Variants in C1QTNF6 observed in about 807,000 individuals in gnomAD.
C1QTNF6 encodes C1q and TNF related 6.
A neutral mutation model predicts 20.7 loss-of-function variants in C1QTNF6; 17 were observed. The observed-to-expected ratio is 0.82, with a 90% CI of 0.56 to 1.23. The LOEUF (loss-of-function observed/expected upper bound fraction) is 1.23, where lower values mean the gene tolerates loss of function less well. Among genes scored for constraint, C1QTNF6 ranks in the 50% most tolerant of loss-of-function variants. The pLI is 0.00. For synonymous variants in C1QTNF6, 130 were observed against 156.3 expected (o/e 0.83, Z 1.25); for missense variants, 329 against 389.7 (o/e 0.84, Z 1.31).
In C1QTNF6 at chr22:37,187,500, G is replaced by C. The variant is rs191600789; in HGVS notation, c.51+663C>G. 4.1e-3 allele frequency among the ~76,000 whole-genome samples: 613 copies of C among 151,308 alleles called. 9 individuals are homozygous for C. Among genetic ancestry groups the C allele is most frequent in the Non-Finnish European group, 2.8e-3 (191 of 67,922 alleles). On this transcript the variant is annotated intron_variant, in intron 1 of 2. Transcript: ENST00000337843. ...TGCTCCTTGATACTTACAAGGAAATGACACCACCCTTTCCCTCCCAGGTAA... is the reference window on the plus strand; with the variant it reads ...TGCTCCTTGATACTTACAAGGAAATCACACCACCCTTTCCCTCCCAGGTAA...
intron 2 of C1QTNF6, among the ~76,000 whole-genome samples, 157 bp downstream of exon 2, chr22:37,185,061 C>T (rs1395988486): frequency 2.0e-5 from 3 of 151,874 alleles, no homozygotes; most frequent in African/African-American, 4.8e-5. Context: ...GTTCACGCTC[C>T]GTCATCAGTG....
intron 1 of C1QTNF6, among the ~76,000 whole-genome samples, chr22:37,187,755 G>A (rs961791040): frequency 8.5e-5 from 13 of 152,110 alleles, no homozygotes; most frequent in Admixed American, 5.9e-4. Flanking sequence ...TCAGGAAGCC[G>A]TTAACGAGGA....
At chr22:37,187,339 C>T (rs2145771116) in intron 1 of C1QTNF6, among the ~76,000 whole-genome samples, 1 of 152,192 alleles carries the variant, frequency 6.6e-6, no homozygotes, top group South Asian at 2.1e-4. Flanking sequence ...TTTGGAAATC[C>T]CAAAATTCCC....
chr22:37,199,027 C>G (rs1255020160), upstream of C1QTNF6, among the ~76,000 whole-genome samples: 3 of 152,250 alleles, frequency 2.0e-5, no homozygotes, highest in Non-Finnish European at 4.4e-5. Flanking sequence ...AGAGCGCCAG[C>G]TCCGCGCCAG....
intron 1 of C1QTNF6, among the ~76,000 whole-genome samples, chr22:37,186,594 G>A (rs78828059): frequency 0.034 from 5,173 of 152,310 alleles, 147 homozygotes; most frequent in Non-Finnish European, 0.051. Context: ...AGGGCTCCAG[G>A]AGAGAGGCAG....
chr22:37,182,667 G>A lies in C1QTNF6; in HGVS notation c.358C>T (p.Pro120Ser), dbSNP rs763392569. ...YMGREGPQGE[P>S]GPQGSKGDKG... ...TCACCCTTGCTGCCCTGAGGGCCAGGCTCCCCTTGGGGACCCTCCCTGCCC... is the reference window on the plus strand; with the variant it reads ...TCACCCTTGCTGCCCTGAGGGCCAGACTCCCCTTGGGGACCCTCCCTGCCC... The change falls in exon 3 of 3, where the codon CCT becomes TCT. Residue 120 changes from proline to serine, a missense_variant. Coordinates refer to ENST00000337843, the MANE Select transcript of C1QTNF6 (RefSeq NM_031910.4). The A allele has an allele frequency of 1.2e-6, 2 of 1,613,014 alleles. No homozygotes were observed. Among genetic ancestry groups the A allele is most frequent in the African/African-American group, 1.3e-5 (1 of 75,036 alleles).
chr22:37,183,018 T>C (rs8140073), intron 2 of C1QTNF6: 59,274 of 835,386 alleles, frequency 0.071, 2,513 homozygotes, highest in Admixed American at 0.22. Flanking sequence ...CCAGGGTGAC[T>C]TGACTTCCCC....
intron 1 of C1QTNF6, chr22:37,186,042 T>C: frequency 2.0e-6 from 2 of 985,342 alleles, no homozygotes; most frequent in South Asian, 4.7e-5. Context: ...GAGAACACCA[T>C]AGTTCTGAAA....
intron 1 of C1QTNF6, chr22:37,186,186 C>T: frequency 1.0e-6 from 1 of 965,084 alleles, no homozygotes; most frequent in Non-Finnish European, 1.2e-6. Flanking sequence ...TCCTTGACTG[C>T]AGCCCATTGC....
chr22:37,182,858 A>G, intron 2 of C1QTNF6, 123 bp from the exon 3 acceptor site: 2 of 1,446,868 alleles, frequency 1.4e-6, no homozygotes, highest in Non-Finnish European at 1.8e-6. Context: ...GCATTTATTT[A>G]GCACCTACTG....
At chr22:37,193,456 G>A (rs1320500499) in intron 2 of C1QTNF6, among the ~76,000 whole-genome samples, 2 of 151,192 alleles carry the variant, frequency 1.3e-5, no homozygotes, top group African/African-American at 4.9e-5. Flanking sequence ...GACAAAATGG[G>A]GAAAAAAATT....
In C1QTNF6 at chr22:37,183,539, G is replaced by A. The variant is rs148883614; in HGVS notation, c.290-804C>T. Among the ~76,000 whole-genome samples the A allele has an allele frequency of 2.2e-3, 342 of 152,354 alleles. 1 individual carries two copies. Among genetic ancestry groups the A allele is most frequent in the African/African-American group, 7.8e-3 (324 of 41,586 alleles). On this transcript the variant is annotated intron_variant, in intron 2 of 2. Coordinates refer to ENST00000337843, the MANE Select transcript of C1QTNF6 (RefSeq NM_031910.4). Reference sequence around the variant, plus strand: ...GAAAAGCAGGTGACCACCCACGCCTGGAGGGACCCGACCTCACATAGCTCC... The same window carrying A: ...GAAAAGCAGGTGACCACCCACGCCTAGAGGGACCCGACCTCACATAGCTCC...
upstream of C1QTNF6, chr22:37,191,541 G>C (rs1053833764): frequency 2.0e-5 from 3 of 152,146 alleles, no homozygotes; most frequent in Admixed American, 1.3e-4. Flanking sequence ...ATTTGATTTT[G>C]GAAAGTTTGT....
chr22:37,181,394 A>G lies in C1QTNF6; in HGVS notation c.*794T>C, dbSNP rs1923753619. The G allele has an allele frequency of 1.3e-5, 2 of 152,304 alleles. No individual in the cohort carries two copies. The highest frequency in any genetic ancestry group is 4.1e-4 in the South Asian group (2 of 4,834). The allele number at this position is 152,304 out of a possible 1,614,324, so 9.4% of individuals were successfully genotyped here. On this transcript the variant is annotated 3_prime_UTR_variant, in exon 3 of 3. Transcript: ENST00000337843. Reference sequence around the variant, plus strand: ...CCCTGGAGGGATGAGAGAATTTAAGAATGTTGGAATTGGCCAGGCACGGTG... The same window carrying G: ...CCCTGGAGGGATGAGAGAATTTAAGGATGTTGGAATTGGCCAGGCACGGTG...
intron 2 of C1QTNF6, 131 bp downstream of exon 2, chr22:37,185,087 G>A (rs1924176077): frequency 2.1e-6 from 3 of 1,423,932 alleles, no homozygotes; most frequent in Non-Finnish European, 2.8e-6. Context: ...AACAGACCAG[G>A]CTCACATTGG....
upstream of C1QTNF6, chr22:37,188,555 C>G (rs569578895): frequency 1.4e-5 from 3 of 221,508 alleles, no homozygotes; most frequent in East Asian, 1.9e-4. Context: ...ACAGGAGCCC[C>G]TAGGTTGCTC....
At position 37,182,241 on chromosome 22, in the gene C1QTNF6, A is replaced by T; in HGVS notation, c.784T>A (p.Phe262Ile). 6.2e-7 allele frequency: 1 copy of T among 1,614,150 alleles called. No homozygotes were observed. The highest frequency in any genetic ancestry group is 8.5e-7 in the Non-Finnish European group (1 of 1,180,010). The change falls in exon 3 of 3, where the codon TTC (phenylalanine) becomes ATC (isoleucine). Residue 262 changes from phenylalanine (F) to isoleucine (I), a missense_variant. Transcript: ENST00000337843. The part of the protein sequence containing the change: ...QRENAIYSND[F>I]DTYITFSGHL... ...CCGCTGAAGGTGATGTAGGTGTCGAAGTCGTTGCTGTAGATGGCGTTCTCG... is the reference window on the plus strand; with the variant it reads ...CCGCTGAAGGTGATGTAGGTGTCGATGTCGTTGCTGTAGATGGCGTTCTCG...
chr22:37,188,736 A>G (rs973276973), upstream of C1QTNF6, among the ~76,000 whole-genome samples: 1 of 152,248 alleles, frequency 6.6e-6, no homozygotes, highest in African/African-American at 2.4e-5. Context: ...TAGGTGTTCC[A>G]GAACTGCAGT....
At position 37,194,961 on chromosome 22, in the gene C1QTNF6, A is replaced by G. The variant is rs565538993; in HGVS notation, n.224+420T>C. On this transcript the variant is annotated intron_variant and non_coding_transcript_variant, in intron 2 of 4. Coordinates refer to the C1QTNF6 transcript ENST00000467564. ...CAGGGAGGCCAGAGGCCTCCATTCC[A>G]TTGACACTGGATCAATAGTTCAGGA... Among the ~76,000 whole-genome samples the G allele has an allele frequency of 2.0e-5, 3 of 152,338 alleles. No homozygotes were observed. In the East Asian group the frequency reaches 5.8e-4, roughly 29 times the overall value.
Sources: allele counts gnomAD v4.1 joint callset (sites outside exome capture counted in the v4.1 genomes callset), GRCh38; gene constraint gnomAD v4.1.1; transcripts MANE v1.5; gene names NCBI Gene and HGNC (gene_info 2026-07-23, HGNC 2026-07-21).